PRKG1: variants seen among roughly 807,000 people sequenced by gnomAD.
The protein encoded by PRKG1 is cGMP-dependent protein kinase 1.
Under a neutral mutation model 88.1 loss-of-function variants are expected in PRKG1, and 35 were observed. The ratio of observed to expected loss-of-function variants is 0.40; its 90% CI spans 0.30 to 0.53. The LOEUF (loss-of-function observed/expected upper bound fraction) is 0.53, where lower values mean the gene tolerates loss of function less well. Among genes scored for constraint, PRKG1 ranks in the 20% least tolerant of loss-of-function variants. PRKG1 has a pLI of 0.59. For synonymous variants in PRKG1, 303 were observed against 292.5 expected, an observed-to-expected ratio of 1.04 and a Z score of -0.37; for missense variants, 540 against 839.8, an observed-to-expected ratio of 0.64 and a Z score of 4.41.
chr10:51,540,070 G>A (rs949163587), intron 3 of PRKG1, among the ~76,000 whole-genome samples: 6 of 152,152 alleles, frequency 3.9e-5, no homozygotes, highest in African/African-American at 1.4e-4. Flanking sequence ...TGGCTCAAGA[G>A]TACTAACCAA....
chr10:51,043,051 T>C (rs917454993), intron 1 of PRKG1, among the ~76,000 whole-genome samples: 1 of 152,130 alleles, frequency 6.6e-6, no homozygotes, highest in Non-Finnish European at 1.5e-5. Flanking sequence ...CCCTTTATGG[T>C]ATTTTGTTAT....
chr10:51,933,856 C>T (rs1421963575), intron 5 of PRKG1, among the ~76,000 whole-genome samples: 2 of 151,916 alleles, frequency 1.3e-5, no homozygotes, highest in South Asian at 2.1e-4. Flanking sequence ...AAATATGTGC[C>T]AAAGTCACAA....
chr10:51,729,847 T>G (rs1346835892), intron 3 of PRKG1, among the ~76,000 whole-genome samples: 1 of 151,202 alleles, frequency 6.6e-6, no homozygotes, highest in Non-Finnish European at 1.5e-5. Context: ...TTTTAAAAAA[T>G]TATTAGACTT....
At chr10:51,396,804 A>G (rs1415692535) in intron 2 of PRKG1, among the ~76,000 whole-genome samples, 1 of 152,228 alleles carries the variant, frequency 6.6e-6, no homozygotes, top group Non-Finnish European at 1.5e-5. Flanking sequence ...TGTTAGAAGT[A>G]GTTTGATTCC....
intron 2 of PRKG1, among the ~76,000 whole-genome samples, chr10:51,242,803 T>A (rs763622191): frequency 2.0e-5 from 3 of 152,148 alleles, no homozygotes; most frequent in Non-Finnish European, 4.4e-5. Context: ...ATGATGCCAA[T>A]CATGAGCAAA....
At chr10:51,208,063 C>T (rs1439523814) in intron 2 of PRKG1, among the ~76,000 whole-genome samples, 2 of 152,178 alleles carry the variant, frequency 1.3e-5, no homozygotes, top group Non-Finnish European at 2.9e-5. Flanking sequence ...AAAACATGCT[C>T]TTCCTTTTCT....
At chr10:51,620,991 G>GTA (rs1839190927) in intron 3 of PRKG1, among the ~76,000 whole-genome samples, 1 of 94,064 alleles carries the variant, frequency 1.1e-5, no homozygotes, top group African/African-American at 3.5e-5. Flanking sequence ...GTATGTGTGT[G>GTA]TGTGTGTGTA....
intron 3 of PRKG1, among the ~76,000 whole-genome samples, chr10:51,711,864 A>T (rs1049580277): frequency 2.0e-5 from 3 of 152,138 alleles, no homozygotes; most frequent in African/African-American, 7.2e-5. Flanking sequence ...ACTGCAATAA[A>T]CCAGGGGGGT....
chr10:51,397,624 A>T (rs1446697930), intron 2 of PRKG1, among the ~76,000 whole-genome samples: 1 of 152,228 alleles, frequency 6.6e-6, no homozygotes, highest in South Asian at 2.1e-4. Flanking sequence ...AATTTTAACC[A>T]TCCTAAAAAC....
intron 3 of PRKG1, among the ~76,000 whole-genome samples, chr10:51,599,962 A>G (rs1407402505): frequency 2.0e-5 from 3 of 152,186 alleles, no homozygotes; most frequent in Non-Finnish European, 4.4e-5. Flanking sequence ...TGCATGCCTT[A>G]TAGAAGACTA....
In PRKG1 at chr10:51,575,414, G is replaced by A. The variant is rs549123409; in HGVS notation, c.592+107578G>A. On this transcript the variant is annotated intron_variant, in intron 3 of 17. Transcript: ENST00000373980. ...TCATTTTTTAATTACTCAACAGTTT[G>A]CTACAACGACTGAGATCTCTACCAT... 3.9e-5 allele frequency among the ~76,000 whole-genome samples: 6 copies of A among 151,974 alleles called. No homozygotes were observed. The East Asian group carries it at 1.2e-3, about 29-fold the overall frequency.
intron 2 of PRKG1, among the ~76,000 whole-genome samples, chr10:51,278,739 A>G (rs1363035953): frequency 1.3e-5 from 2 of 152,098 alleles, no homozygotes; most frequent in Non-Finnish European, 1.5e-5. Context: ...GTTTATTTGC[A>G]TAGAGGTGTT....
At chr10:51,272,614 C>T (rs1016478405) in intron 2 of PRKG1, among the ~76,000 whole-genome samples, 3 of 151,964 alleles carry the variant, frequency 2.0e-5, no homozygotes, top group Non-Finnish European at 4.4e-5. Flanking sequence ...GAGAAGTGAA[C>T]AGGACAAATG....
In PRKG1 at chr10:51,534,436, A is replaced by G. The variant is rs558028709; in HGVS notation, c.592+66600A>G. ...GTAATCCCAGCACTTTGGGAGGCTG[A>G]GGCAGGCGGATCATGAGGTCAGGAG... On this transcript the variant is annotated intron_variant, in intron 3 of 17. Transcript: ENST00000373980. Among the ~76,000 whole-genome samples the G allele has an allele frequency of 1.1e-4, 16 of 152,226 alleles. No homozygotes were observed. In the East Asian group the frequency reaches 2.5e-3, roughly 24 times the overall value.
chr10:52,233,295 T>A (rs1157335745), intron 9 of PRKG1, among the ~76,000 whole-genome samples: 1 of 150,726 alleles, frequency 6.6e-6, no homozygotes, highest in Non-Finnish European at 1.5e-5. Context: ...TGAAAAAAAA[T>A]CTCCAGCTGT....
At chr10:52,171,603 A>G (rs1363046867) in intron 9 of PRKG1, among the ~76,000 whole-genome samples, 4 of 152,050 alleles carry the variant, frequency 2.6e-5, no homozygotes, top group Non-Finnish European at 5.9e-5. Flanking sequence ...GAAGTATACA[A>G]TGGTTTCTAA....
At chr10:51,478,660 AT>A (rs144644325) in intron 3 of PRKG1, among the ~76,000 whole-genome samples, 20,779 of 151,750 alleles carry the variant, frequency 0.14, 1,608 homozygotes, top group African/African-American at 0.19. Flanking sequence ...AAATCTATCA[AT>A]TTAAGTGCAA....
At chr10:52,065,192 C>G (rs866127701) in intron 7 of PRKG1, among the ~76,000 whole-genome samples, 16 of 152,082 alleles carry the variant, frequency 1.1e-4, no homozygotes, top group African/African-American at 1.4e-4. Flanking sequence ...TTTCCAATAA[C>G]CAGTATATCT....
At chr10:51,294,133 A>G (rs549596035) in intron 2 of PRKG1, among the ~76,000 whole-genome samples, 12 of 152,186 alleles carry the variant, frequency 7.9e-5, no homozygotes, top group Non-Finnish European at 1.6e-4. Flanking sequence ...CTTATCAGGT[A>G]TATAGATTGC....
Sources: allele counts gnomAD v4.1 joint callset (sites outside exome capture counted in the v4.1 genomes callset), GRCh38; gene constraint gnomAD v4.1.1; transcripts MANE v1.5; gene names NCBI Gene and HGNC (gene_info 2026-07-23, HGNC 2026-07-21).